The following TXNL1 variants were observed in gnomAD, a reference collection of about 807,000 sequenced individuals.
The protein encoded by TXNL1 is thioredoxin like 1.
TXNL1 carries 14 observed loss-of-function variants against 35.5 expected under a neutral mutation model. The observed-to-expected ratio is 0.39, with a 90% CI of 0.26 to 0.62. The LOEUF is 0.62. Among genes scored for constraint, TXNL1 ranks in the 20% least tolerant of loss-of-function variants. TXNL1 has a pLI of 0.47. For synonymous variants in TXNL1, 110 were observed against 115.5 expected (o/e 0.95, Z 0.31); for missense variants, 263 against 349.7 (o/e 0.75, Z 1.98).
At chr18:56,628,065 T>C (rs1568107918) in intron 1 of TXNL1, among the ~76,000 whole-genome samples, 1 of 152,142 alleles carries the variant, frequency 6.6e-6, no homozygotes, top group Non-Finnish European at 1.5e-5. Flanking sequence ...AACCCTTGAA[T>C]AGGTACTTGA....
intron 1 of TXNL1, among the ~76,000 whole-genome samples, chr18:56,628,036 A>G (rs765207482): frequency 6.6e-6 from 1 of 152,280 alleles, no homozygotes; most frequent in East Asian, 1.9e-4. Flanking sequence ...GAAGACTGAA[A>G]CCCAAAAGAA....
chr18:56,620,963 C>CTA (rs2024170601), intron 3 of TXNL1, among the ~76,000 whole-genome samples: 1 of 152,166 alleles, frequency 6.6e-6, no homozygotes, highest in Non-Finnish European at 1.5e-5. Flanking sequence ...CAAAGTTTTA[C>CTA]TATAGCAGAA....
intron 3 of TXNL1, among the ~76,000 whole-genome samples, chr18:56,621,182 G>T (rs1230513523): frequency 2.0e-5 from 3 of 150,830 alleles, no homozygotes; most frequent in African/African-American, 7.3e-5. Context: ...TTTATTGTGG[G>T]GCACACAAAA....
intron 1 of TXNL1, among the ~76,000 whole-genome samples, chr18:56,627,506 G>A (rs1286884077): frequency 6.6e-6 from 1 of 152,110 alleles, no homozygotes; most frequent in Non-Finnish European, 1.5e-5. Flanking sequence ...CCTTTATTAA[G>A]AGAATATAGT....
At chr18:56,615,545 G>A (rs1473428626) in intron 5 of TXNL1, among the ~76,000 whole-genome samples, 2 of 151,612 alleles carry the variant, frequency 1.3e-5, no homozygotes, top group Non-Finnish European at 2.9e-5. Flanking sequence ...ATATTTACAT[G>A]TATCGATATA....
At chr18:56,636,333 G>A (rs1050258138) in intron 1 of TXNL1, among the ~76,000 whole-genome samples, 1 of 152,128 alleles carries the variant, frequency 6.6e-6, no homozygotes, top group Non-Finnish European at 1.5e-5. Flanking sequence ...GATCTAAGAG[G>A]ATTCTTACAA....
chr18:56,604,954 C>T (rs1295760018), intron 7 of TXNL1, among the ~76,000 whole-genome samples: 1 of 150,370 alleles, frequency 6.7e-6, no homozygotes, highest in African/African-American at 2.4e-5. Flanking sequence ...AAATCTAAAA[C>T]ATTTTATAAC....
chr18:56,629,008 T>G (rs532091391), intron 1 of TXNL1, among the ~76,000 whole-genome samples: 2 of 152,348 alleles, frequency 1.3e-5, no homozygotes, highest in East Asian at 3.9e-4. Flanking sequence ...TGGGAATATA[T>G]ATCACTACAC....
At position 56,599,226 on chromosome 18, in the gene TXNL1, T is replaced by G. The variant is rs1376879835; in HGVS notation, c.*3801A>C. On this transcript the variant is annotated 3_prime_UTR_variant, in exon 8 of 8. Transcript: ENST00000217515. ...TGGACCACAAAGTTTAAAAGCGATC[T>G]TATTAGCCTACAAATCTCCACTGTC... 1 of 152,010 alleles carries G rather than the reference T, an allele frequency of 6.6e-6. No individual in the cohort carries two copies. Among genetic ancestry groups the G allele is most frequent in the Admixed American group, 6.5e-5 (1 of 15,268 alleles). The allele number at this position is 152,010 out of a possible 1,614,324, so 9.4% of individuals were successfully genotyped here. A position where few individuals can be genotyped will look rare whatever the true frequency, so the allele number is the denominator to read the frequency against.
chr18:56,597,946 C>T lies in TXNL1; in HGVS notation c.*5081G>A, dbSNP rs762673859. The T allele has an allele frequency of 4.6e-5, 7 of 152,194 alleles. No homozygotes were observed. Among genetic ancestry groups the T allele is most frequent in the Non-Finnish European group, 8.8e-5 (6 of 68,038 alleles). The allele number at this position is 152,194 out of a possible 1,614,324, so 9.4% of individuals were successfully genotyped here. ...GAGACATCACAGACTTCTCTATGCT[C>T]GCTCCTCCCATAAATTAAGGAGAAA... On this transcript the variant is annotated 3_prime_UTR_variant, in exon 8 of 8. Coordinates refer to ENST00000217515, the MANE Select transcript of TXNL1 (RefSeq NM_004786.3).
At chr18:56,615,136 T>G (rs964778682) in intron 5 of TXNL1, among the ~76,000 whole-genome samples, 9 of 152,302 alleles carry the variant, frequency 5.9e-5, no homozygotes, top group Admixed American at 5.9e-4. Flanking sequence ...GATTAGGATG[T>G]GATAAGTGGT....
Position 56,624,463 on chromosome 18 carries a change from T to C in TXNL1, c.196-2A>G. 1 of 1,608,710 alleles carries C rather than the reference T, an allele frequency of 6.2e-7. No homozygotes were observed. The highest frequency in any genetic ancestry group is 8.5e-7 in the Non-Finnish European group (1 of 1,176,328). On this transcript the variant is annotated splice_acceptor_variant, in intron 2 of 7. Transcript: ENST00000217515. LOFTEE classifies it high-confidence loss of function. The stretch of plus-strand genomic sequence containing the variant: ...TATATTGTTGGTGGCAGCTGTTCCC[T>C]AGAATTGGCAAGTTGGACAGTGTTA...
At chr18:56,638,059 G>A (rs182990483) in intron 1 of TXNL1, among the ~76,000 whole-genome samples, 35 of 152,292 alleles carry the variant, frequency 2.3e-4, no homozygotes, top group African/African-American at 7.7e-4. Context: ...ATAGGGGCGG[G>A]CCACCCCCAA....
At chr18:56,626,499 G>A (rs1196203871) in intron 1 of TXNL1, 42 bp from the exon 2 acceptor site, 1 of 1,513,644 alleles carries the variant, frequency 6.6e-7, no homozygotes, top group South Asian at 1.2e-5. Context: ...ACTAAAGATT[G>A]TAATTCTAAA....
intron 4 of TXNL1, among the ~76,000 whole-genome samples, chr18:56,617,098 C>T (rs1031194748): frequency 1.3e-5 from 2 of 152,152 alleles, no homozygotes; most frequent in African/African-American, 4.8e-5. Flanking sequence ...GTGAATGATA[C>T]TCTCAAAGCT....
At chr18:56,626,516 G>A (rs1448860019) in intron 1 of TXNL1, 59 bp from the exon 2 acceptor site, 23 of 1,389,630 alleles carry the variant, frequency 1.7e-5, no homozygotes, top group South Asian at 5.0e-5. Context: ...TAAAGCACTC[G>A]TCAATTAAAC....
rs2023811672 is a variant in TXNL1 at position 56,601,643 on chromosome 18, T to A, written c.*1384A>T. ...AAAGGGACTCTTTCAACACTAAAACTTCTGTAGAATTTTTTCATAAACAAG... is the reference window on the plus strand; with the variant it reads ...AAAGGGACTCTTTCAACACTAAAACATCTGTAGAATTTTTTCATAAACAAG... On this transcript the variant is annotated 3_prime_UTR_variant, in exon 8 of 8. Transcript: ENST00000217515. 6.6e-6 allele frequency: 1 copy of A among 152,188 alleles called. No individual in the cohort carries two copies. The highest frequency in any genetic ancestry group is 2.1e-4 in the South Asian group (1 of 4,830). 9.4% of individuals were successfully genotyped at this position (152,188 alleles called of 1,614,324 possible).
At chr18:56,623,700 TAA>T (rs1008732755) in intron 3 of TXNL1, among the ~76,000 whole-genome samples, 23 of 152,278 alleles carry the variant, frequency 1.5e-4, no homozygotes, top group African/African-American at 4.3e-4. Flanking sequence ...TTTAGATTCT[TAA>T]GTCTTTATGT....
intron 3 of TXNL1, among the ~76,000 whole-genome samples, chr18:56,621,383 T>TG (rs1335783499): frequency 1.3e-5 from 2 of 152,058 alleles, no homozygotes; most frequent in Middle Eastern, 3.4e-3. Context: ...TTGGTAGAGA[T>TG]GGGGTTTCTG....
Sources: gnomAD v4.1 joint callset for allele counts (sites outside exome capture counted in the v4.1 genomes callset) on GRCh38, gnomAD v4.1.1 for gene constraint, MANE v1.5 for transcripts, NCBI Gene and HGNC (gene_info 2026-07-23, HGNC 2026-07-21) for gene names.